COL9A1: variants seen among roughly 807,000 people sequenced by gnomAD.
COL9A1 encodes the protein collagen type IX alpha 1 chain, also known as collagen alpha-1(IX) chain.
COL9A1 carries 104 observed loss-of-function variants against 142.6 expected under a neutral mutation model. The ratio of observed to expected loss-of-function variants is 0.73; its 90% CI spans 0.62 to 0.86. COL9A1 has a LOEUF of 0.86. Among genes scored for constraint, COL9A1 ranks in the 40% least tolerant of loss-of-function variants. COL9A1 has a pLI of 0.00. For synonymous variants in COL9A1, 466 were observed against 396.0 expected, an observed-to-expected ratio of 1.18 and a Z score of -2.10; for missense variants, 1,210 against 1,176.6, an observed-to-expected ratio of 1.03 and a Z score of -0.42.
chr6:70,256,162 C>T (rs1340269726), intron 21 of COL9A1, among the ~76,000 whole-genome samples: 1 of 152,340 alleles, frequency 6.6e-6, no homozygotes, highest in Non-Finnish European at 1.5e-5. Context: ...GGTCCTCTTA[C>T]ATGGATTACA....
intron 28 of COL9A1, among the ~76,000 whole-genome samples, chr6:70,251,271 A>G (rs984859531): frequency 4.6e-5 from 7 of 152,210 alleles, no homozygotes; most frequent in African/African-American, 1.7e-4. Context: ...ACAGTCGGGC[A>G]TGGTAGCTCA....
intron 29 of COL9A1, 137 bp from the exon 30 acceptor site, chr6:70,242,172 T>G: frequency 1.3e-6 from 1 of 757,962 alleles, no homozygotes; most frequent in Non-Finnish European, 2.3e-6. Flanking sequence ...CTTCTTGGGT[T>G]TGCCTCTCTT....
chr6:70,274,930 A>G (rs943180530), intron 10 of COL9A1, 158 bp from the exon 11 acceptor site: 5 of 631,992 alleles, frequency 7.9e-6, no homozygotes, highest in Middle Eastern at 4.0e-4. Flanking sequence ...TCTTACTCAA[A>G]AGTAAAGATT....
rs1167463754 is a variant in COL9A1 at position 70,288,217 on chromosome 6, C to A, written c.697-4397G>T. Among the ~76,000 whole-genome samples, 3 of 152,302 alleles carry A rather than the reference C, an allele frequency of 2.0e-5. No individual in the cohort carries two copies. In the East Asian group the frequency reaches 5.8e-4, roughly 29 times the overall value. ...CGTCTATACTTCCAATTACTCGCGC[C>A]TAAAGTAATGGTGTCATCTTTGATT... On this transcript the variant is annotated intron_variant, in intron 5 of 37. Coordinates refer to ENST00000357250, the MANE Select transcript of COL9A1 (RefSeq NM_001851.6).
chr6:70,274,247 AG>A lies in COL9A1; in HGVS notation c.1030-166del, dbSNP rs35211615. Among the ~76,000 whole-genome samples the A allele has an allele frequency of 0.06, 9,092 of 151,834 alleles. 355 individuals are homozygous for A. The highest frequency in any genetic ancestry group is 0.089 in the Non-Finnish European group (6,036 of 67,932). ...TCAGGGGTACATGTGCAGGATGTGC[AG>A]GTTTGTTACATAGGTAAACATGTTC... On this transcript the variant is annotated intron_variant, in intron 11 of 37. Coordinates refer to ENST00000357250, the MANE Select transcript of COL9A1 (RefSeq NM_001851.6).
rs182542086 is a variant in COL9A1 at position 70,222,477 on chromosome 6, A to G, written c.2581+3455T>C. On this transcript the variant is annotated intron_variant, in intron 37 of 37. Coordinates refer to ENST00000357250, the MANE Select transcript of COL9A1 (RefSeq NM_001851.6). ...GTGCATGTGTACTTTTTAAACAACAAAGCACTGTAGCCAAAATGATCATCA... is the reference window on the plus strand; with the variant it reads ...GTGCATGTGTACTTTTTAAACAACAGAGCACTGTAGCCAAAATGATCATCA... Among the ~76,000 whole-genome samples the G allele has an allele frequency of 1.8e-3, 281 of 152,304 alleles. 1 individual carries two copies. Among genetic ancestry groups the G allele is most frequent in the Non-Finnish European group, 3.5e-3 (238 of 68,024 alleles).
chr6:70,286,769 G>A (rs542026887), intron 5 of COL9A1, among the ~76,000 whole-genome samples: 18 of 152,210 alleles, frequency 1.2e-4, no homozygotes, highest in Admixed American at 2.6e-4. Flanking sequence ...GACTAAACCC[G>A]GCTGTTCCAG....
At chr6:70,268,994 T>C in intron 16 of COL9A1, 134 bp from the exon 17 acceptor site, 1 of 709,102 alleles carries the variant, frequency 1.4e-6, no homozygotes, top group South Asian at 1.5e-5. Flanking sequence ...CATTGAATAA[T>C]TCTAAACACC....
intron 24 of COL9A1, 135 bp from the exon 25 acceptor site, chr6:70,254,664 AC>A (rs1771159273): frequency 1.2e-6 from 1 of 806,918 alleles, no homozygotes. Flanking sequence ...TTATAAAGTG[AC>A]TTAATTTAGG....
At chr6:70,262,129 A>G (rs1045452772) in intron 19 of COL9A1, among the ~76,000 whole-genome samples, 3 of 151,856 alleles carry the variant, frequency 2.0e-5, no homozygotes, top group Admixed American at 1.3e-4. Flanking sequence ...AAATTTTTTT[A>G]AAAAACTTTA....
chr6:70,266,917 C>A, intron 17 of COL9A1, 147 bp from the exon 18 acceptor site: 1 of 737,602 alleles, frequency 1.4e-6, no homozygotes, highest in Non-Finnish European at 2.5e-6. Context: ...CCTTAAATGA[C>A]CTTAACAGCA....
At position 70,225,968 on chromosome 6, in the gene COL9A1, C is replaced by T; in HGVS notation, c.2545G>A (p.Gly849Ser). The change falls in exon 37 of 38, where the codon GGT becomes AGT. Residue 849 changes from glycine to serine, a missense_variant. Physicochemically the swap from Gly to Ser is moderately conservative, Grantham distance 56. Coordinates refer to ENST00000357250, the MANE Select transcript of COL9A1 (RefSeq NM_001851.6). ...ATAGCTCCAGGCAAACCGTTGGGAC[C>T]TCTTCCTGGAGGGCCACGCTCCCCC... ...EKGERGPPGR[G>S]PNGLPGAIGL... 6.2e-7 allele frequency: 1 copy of T among 1,614,004 alleles called. No homozygotes were observed. The highest frequency in any genetic ancestry group is 8.5e-7 in the Non-Finnish European group (1 of 1,179,986).
intron 31 of COL9A1, 113 bp from the exon 32 acceptor site, chr6:70,240,846 C>T (rs1222440905): frequency 3.5e-6 from 3 of 852,534 alleles, no homozygotes; most frequent in African/African-American, 1.7e-5. Flanking sequence ...CAGAATCATG[C>T]AGAAATACAA....
intron 32 of COL9A1, 71 bp downstream of exon 32, chr6:70,240,618 G>A (rs971365869): frequency 2.0e-6 from 2 of 982,842 alleles, no homozygotes; most frequent in Non-Finnish European, 1.6e-6. Flanking sequence ...TGTGTTAGAA[G>A]TATATATATA....
At chr6:70,293,971 G>T (rs1222432126) in intron 5 of COL9A1, among the ~76,000 whole-genome samples, 196 bp downstream of exon 5, 2 of 152,110 alleles carry the variant, frequency 1.3e-5, no homozygotes, top group Admixed American at 6.6e-5. Flanking sequence ...GAAAGACTCT[G>T]GGTGCACTAG....
intron 10 of COL9A1, among the ~76,000 whole-genome samples, chr6:70,276,699 C>T (rs1428402525): frequency 6.6e-6 from 1 of 152,146 alleles, no homozygotes; most frequent in Non-Finnish European, 1.5e-5. Flanking sequence ...AACATGTTGT[C>T]CTGGCATCTA....
At chr6:70,222,267 A>G (rs538046057) in intron 37 of COL9A1, among the ~76,000 whole-genome samples, 1 of 152,308 alleles carries the variant, frequency 6.6e-6, no homozygotes, top group Non-Finnish European at 1.5e-5. Flanking sequence ...AGAGCTTTAC[A>G]TGTATTAACA....
chr6:70,283,608 A>G, intron 6 of COL9A1, 129 bp downstream of exon 6: 1 of 775,208 alleles, frequency 1.3e-6, no homozygotes, highest in Non-Finnish European at 2.3e-6. Context: ...AGTACAGCAA[A>G]GCACAGGCTC....
chr6:70,280,410 C>G (rs1773070220), intron 10 of COL9A1: 9 of 1,187,098 alleles, frequency 7.6e-6, no homozygotes, highest in Non-Finnish European at 9.4e-6. Flanking sequence ...AGAGCAAGGG[C>G]GAAGGCTAGC....
Sources: gnomAD v4.1 joint callset for allele counts (sites outside exome capture counted in the v4.1 genomes callset) on GRCh38, gnomAD v4.1.1 for gene constraint, MANE v1.5 for transcripts, NCBI Gene and HGNC (gene_info 2026-07-23, HGNC 2026-07-21) for gene names.